FHIT: variants seen among roughly 807,000 people sequenced by gnomAD.
FHIT encodes the protein bis(5'-adenosyl)-triphosphatase.
Under a neutral mutation model 17.9 loss-of-function variants are expected in FHIT, and 19 were observed. The observed-to-expected ratio is 1.06, with a 90% CI of 0.74 to 1.56. The LOEUF is 1.56. Among genes scored for constraint, FHIT ranks in the 40% most tolerant of loss-of-function variants. FHIT has a pLI of 0.00. For synonymous variants in FHIT, 81 were observed against 69.7 expected, an observed-to-expected ratio of 1.16 and a Z score of -0.81; for missense variants, 248 against 189.2, an observed-to-expected ratio of 1.31 and a Z score of -1.82.
chr3:61,029,009 G>A (rs2032876221), intron 3 of FHIT, among the ~76,000 whole-genome samples: 1 of 152,074 alleles, frequency 6.6e-6, no homozygotes, highest in Non-Finnish European at 1.5e-5. Flanking sequence ...AAAGACTGAG[G>A]CTAGACCAAG....
chr3:60,193,989 T>C (rs897160259), intron 5 of FHIT, among the ~76,000 whole-genome samples: 1 of 152,214 alleles, frequency 6.6e-6, no homozygotes, highest in African/African-American at 2.4e-5. Flanking sequence ...ATTGGAAGAA[T>C]ATCATGAAAA....
chr3:60,255,251 A>G (rs545115199), intron 5 of FHIT, among the ~76,000 whole-genome samples: 1 of 152,166 alleles, frequency 6.6e-6, no homozygotes, highest in South Asian at 2.1e-4. Context: ...ACCTCAGATG[A>G]GTATAATGAG....
chr3:60,732,398 C>G (rs782344353), intron 4 of FHIT: 5 of 771,240 alleles, frequency 6.5e-6, no homozygotes, highest in Admixed American at 5.2e-5. Context: ...CAAATTTCTA[C>G]CTGTAGATGG....
At chr3:61,050,011 T>C (rs965982382) in intron 2 of FHIT, among the ~76,000 whole-genome samples, 2 of 152,150 alleles carry the variant, frequency 1.3e-5, no homozygotes, top group African/African-American at 2.4e-5. Context: ...CCCAATCATA[T>C]GTCCAATCAT....
At chr3:61,035,046 A>T (rs1287165299) in intron 3 of FHIT, among the ~76,000 whole-genome samples, 2 of 152,192 alleles carry the variant, frequency 1.3e-5, no homozygotes, top group African/African-American at 4.8e-5. Context: ...GACACAAAAG[A>T]TCATATATTG....
chr3:60,167,157 T>C (rs1701211787), intron 5 of FHIT, among the ~76,000 whole-genome samples: 1 of 152,188 alleles, frequency 6.6e-6, no homozygotes. Context: ...TCTTATCCTA[T>C]AATCTGTTTT....
intron 2 of FHIT, among the ~76,000 whole-genome samples, chr3:61,109,459 A>G (rs1347417553): frequency 6.6e-6 from 1 of 152,110 alleles, no homozygotes; most frequent in Non-Finnish European, 1.5e-5. Context: ...TGTCACAGGG[A>G]GAGTGCTAAG....
At chr3:60,063,172 TCTC>T (rs1702362352) in intron 5 of FHIT, among the ~76,000 whole-genome samples, 1 of 152,146 alleles carries the variant, frequency 6.6e-6, no homozygotes, top group Admixed American at 6.5e-5. Flanking sequence ...AACTTTAACT[TCTC>T]ATGAACTGTG....
chr3:61,220,737 T>A (rs1298096899), intron 1 of FHIT, among the ~76,000 whole-genome samples: 3 of 152,240 alleles, frequency 2.0e-5, no homozygotes, highest in African/African-American at 7.2e-5. Flanking sequence ...ATTATAAGTT[T>A]TCACTATTAC....
At chr3:60,966,093 C>A (rs998192310) in intron 3 of FHIT, among the ~76,000 whole-genome samples, 1 of 152,096 alleles carries the variant, frequency 6.6e-6, no homozygotes, top group African/African-American at 2.4e-5. Flanking sequence ...CCACCCATTT[C>A]GAGCTTCTAG....
Position 60,238,490 on chromosome 3 carries a change from C to T in FHIT, c.104-224338G>A, listed in dbSNP as rs1447260349. 2.2e-5 allele frequency among the ~76,000 whole-genome samples: 3 copies of T among 137,836 alleles called. No homozygotes were observed. The East Asian group carries it at 6.3e-4, about 29-fold the overall frequency. 90.4% of individuals were successfully genotyped at this position (137,836 alleles called of 152,430 possible). ...GTCACAGCACCATGGAAAATGAACA[C>T]AAAAGATGCTTTCTAAAATGCTGAA... is the stretch of plus-strand genomic sequence containing the variant. On this transcript the variant is annotated intron_variant, in intron 5 of 9. Transcript: ENST00000492590.
At chr3:59,963,942 G>C (rs371833841) in intron 7 of FHIT, among the ~76,000 whole-genome samples, 2 of 152,200 alleles carry the variant, frequency 1.3e-5, no homozygotes, top group Non-Finnish European at 2.9e-5. Context: ...CATCGTAACA[G>C]TGTATTATCT....
At chr3:60,921,241 T>A (rs1403302612) in intron 3 of FHIT, among the ~76,000 whole-genome samples, 1 of 152,262 alleles carries the variant, frequency 6.6e-6, no homozygotes, top group Non-Finnish European at 1.5e-5. Context: ...TGGGCCGTAT[T>A]GAACCACTCC....
At chr3:60,823,963 C>T (rs1702026779) in intron 3 of FHIT, among the ~76,000 whole-genome samples, 1 of 152,096 alleles carries the variant, frequency 6.6e-6, no homozygotes, top group South Asian at 2.1e-4. Flanking sequence ...GCCAGTATGG[C>T]TGGAATAGCC....
intron 3 of FHIT, among the ~76,000 whole-genome samples, chr3:60,923,939 G>A (rs897779260): frequency 5.3e-5 from 8 of 152,306 alleles, no homozygotes; most frequent in African/African-American, 1.2e-4. Context: ...AGGGTCCTAC[G>A]CCCATGGAGC....
chr3:60,046,149 C>A (rs1186065640), intron 5 of FHIT, among the ~76,000 whole-genome samples: 1 of 152,178 alleles, frequency 6.6e-6, no homozygotes, highest in Admixed American at 6.5e-5. Flanking sequence ...AAAGCAAGTA[C>A]TTAACACAAT....
chr3:60,609,332 T>TA, intron 4 of FHIT, among the ~76,000 whole-genome samples: 1 of 128,052 alleles, frequency 7.8e-6, no homozygotes, highest in Admixed American at 7.7e-5. Flanking sequence ...CTTTTTTATT[T>TA]ATTTTTTTTT....
intron 5 of FHIT, among the ~76,000 whole-genome samples, chr3:60,199,938 G>A (rs987208083): frequency 1.3e-5 from 2 of 152,116 alleles, no homozygotes; most frequent in African/African-American, 2.4e-5. Flanking sequence ...CCTTAACTGA[G>A]ATGACAGACA....
chr3:60,144,024 G>A (rs1458858124), intron 5 of FHIT, among the ~76,000 whole-genome samples: 1 of 152,116 alleles, frequency 6.6e-6, no homozygotes, highest in Non-Finnish European at 1.5e-5. Flanking sequence ...TGGCCCTCAG[G>A]AGAGCTGCCA....
Sources: allele counts gnomAD v4.1 joint callset (sites outside exome capture counted in the v4.1 genomes callset), GRCh38; gene constraint gnomAD v4.1.1; transcripts MANE v1.5; gene names NCBI Gene and HGNC (gene_info 2026-07-23, HGNC 2026-07-21).